The following PROSER2 variants were observed in gnomAD, a reference collection of about 807,000 sequenced individuals.
PROSER2 encodes proline and serine rich 2.
In PROSER2, 18 loss-of-function variants were observed where a neutral mutation model predicts 14.6. That is an observed-to-expected ratio of 1.23 (90% confidence interval 0.85 to 1.83). The LOEUF is 1.83. Among genes scored for constraint, PROSER2 ranks in the 40% most tolerant of loss-of-function variants. The pLI, the probability that PROSER2 is intolerant of heterozygous loss-of-function variation, is 0.00. For missense variants in PROSER2, 823 were observed against 629.8 expected (o/e 1.31, Z -3.28); for synonymous variants, 367 against 286.4 (o/e 1.28, Z -2.84).
chr10:11,866,444 A>C lies in PROSER2; in HGVS notation c.139-87A>C. The stretch of plus-strand genomic sequence containing the variant: ...CAGTGAGTTCCGCCCTGGGCTGTGG[A>C]CCAATCCCAACTTTGCTTCAGCTTT... On this transcript the variant is annotated intron_variant, in intron 2 of 3. Transcript: ENST00000277570. This position sits in a 1 kb window ranked among gnomAD's most constrained non-coding sequence, Gnocchi z 6.0. 1 of 1,537,788 alleles carries C rather than the reference A, an allele frequency of 6.5e-7. No homozygotes were observed.
chr10:11,867,882 C>T (rs1398576082), intron 3 of PROSER2, among the ~76,000 whole-genome samples: 1 of 152,102 alleles, frequency 6.6e-6, no homozygotes, highest in Non-Finnish European at 1.5e-5. Flanking sequence ...CAAATGTGGC[C>T]AAGGGTTTAA....
intron 2 of PROSER2, among the ~76,000 whole-genome samples, chr10:11,859,313 A>G (rs2131081860): frequency 6.6e-6 from 1 of 152,164 alleles, no homozygotes; most frequent in East Asian, 1.9e-4. Context: ...CTGTAATCTC[A>G]GCGATTCTGG....
At chr10:11,852,870 A>T (rs1215235250) in intron 2 of PROSER2, among the ~76,000 whole-genome samples, 1 of 141,482 alleles carries the variant, frequency 7.1e-6, no homozygotes, top group Non-Finnish European at 1.6e-5. Context: ...CCGGCCACTC[A>T]AGCTGATGTT....
Position 11,869,858 on chromosome 10 carries a change from C to A in PROSER2, c.760C>A (p.Pro254Thr). Residue 254 changes from proline to threonine, a missense_variant, in exon 4 of 4, where the codon CCC (proline) becomes ACC (threonine). Coordinates refer to ENST00000277570, the MANE Select transcript of PROSER2 (RefSeq NM_153256.4). The surrounding 1 kb of genome is among the most constrained non-coding windows in gnomAD (Gnocchi z 4.4). ...GGCGCAGCCCAAGGCACCCCGCTTC[C>A]CCAGCAACATCATCGTCACCAACGG... ...HPAQPKAPRFPSNIIVTNGAA... is the reference protein window; with the variant it reads ...HPAQPKAPRFTSNIIVTNGAA... 6.3e-7 allele frequency: 1 copy of A among 1,593,210 alleles called. No homozygotes were observed. Among genetic ancestry groups the A allele is most frequent in the South Asian group, 1.1e-5 (1 of 88,030 alleles).
At chr10:11,833,897 C>G (rs961161916) in intron 1 of PROSER2, among the ~76,000 whole-genome samples, 1 of 147,964 alleles carries the variant, frequency 6.8e-6, no homozygotes, top group African/African-American at 2.5e-5. Context: ...TGACCATGTT[C>G]GGTAGAGTTT....
intron 2 of PROSER2, among the ~76,000 whole-genome samples, chr10:11,859,315 C>T (rs1339014144): frequency 1.3e-5 from 2 of 151,934 alleles, no homozygotes; most frequent in Admixed American, 6.6e-5. Flanking sequence ...GTAATCTCAG[C>T]GATTCTGGAG....
Position 11,869,483 on chromosome 10 carries a change from C to T in PROSER2, c.392-7C>T, listed in dbSNP as rs1181121810. On this transcript the variant is annotated splice_polypyrimidine_tract_variant and splice_region_variant and intron_variant, in intron 3 of 3. Transcript: ENST00000277570. This position sits in a 1 kb window ranked among gnomAD's most constrained non-coding sequence, Gnocchi z 4.4. ...GGTGGCTCACAGGCTCCTCCCTTGT[C>T]TTCCAGGGCCTGCACCTGCTGGGAA... 1 of 1,610,332 alleles carries T rather than the reference C, an allele frequency of 6.2e-7. No individual in the cohort carries two copies. The highest frequency in any genetic ancestry group is 8.5e-7 in the Non-Finnish European group (1 of 1,176,836).
chr10:11,867,768 G>C (rs73569319), intron 3 of PROSER2, among the ~76,000 whole-genome samples: 10 of 152,186 alleles, frequency 6.6e-5, no homozygotes, highest in African/African-American at 2.4e-4. Context: ...GTTCCTAACA[G>C]GCCAGACCAG....
At position 11,866,473 on chromosome 10, in the gene PROSER2, C is replaced by G; in HGVS notation, c.139-58C>G. On this transcript the variant is annotated intron_variant, in intron 2 of 3. Transcript: ENST00000277570. This position sits in a 1 kb window ranked among gnomAD's most constrained non-coding sequence, Gnocchi z 6.0. Reference sequence around the variant, plus strand: ...ATCCCAACTTTGCTTCAGCTTTTGTCTCTTTAGTGAAGCCAGTGTTTGTTT... The same window carrying G: ...ATCCCAACTTTGCTTCAGCTTTTGTGTCTTTAGTGAAGCCAGTGTTTGTTT... 1.9e-6 allele frequency: 3 copies of G among 1,591,134 alleles called. No homozygotes were observed. Among genetic ancestry groups the G allele is most frequent in the African/African-American group, 1.3e-5 (1 of 74,538 alleles).
In PROSER2 at chr10:11,871,722, G is replaced by A. The variant is rs1834493425; in HGVS notation, c.*1316G>A. 1 of 152,326 alleles carries A rather than the reference G, an allele frequency of 6.6e-6. No homozygotes were observed. The highest frequency in any genetic ancestry group is 2.4e-5 in the African/African-American group (1 of 41,570). The allele number at this position is 152,326 out of a possible 1,614,324, so 9.4% of individuals were successfully genotyped here. A position where few individuals can be genotyped will look rare whatever the true frequency, so the allele number is the denominator to read the frequency against. On this transcript the variant is annotated 3_prime_UTR_variant, in exon 4 of 4. Coordinates refer to ENST00000277570, the MANE Select transcript of PROSER2 (RefSeq NM_153256.4). ...TTAGACCTCTAAAAATAGACAGGAA[G>A]GGCTGCCCTGAGCAGTGACACCTTT...
rs1303916842 is a variant in PROSER2, at chr10:11,841,864, T to A, written c.-81-10133T>A. Among the ~76,000 whole-genome samples the A allele has an allele frequency of 1.3e-5, 2 of 152,226 alleles. 1 individual carries two copies. Among genetic ancestry groups the A allele is most frequent in the East Asian group, 3.8e-4 (2 of 5,198 alleles). On this transcript the variant is annotated intron_variant, in intron 1 of 3. Transcript: ENST00000277570. ...TTGTGAAGCTGTTGCGTATAATGTG[T>A]TGTAAATCTTGATGAGATCAAACTT...
At position 11,856,642 on chromosome 10, in the gene PROSER2, TC is replaced by T. The variant is rs1187249056; in HGVS notation, c.138+4432del. Among the ~76,000 whole-genome samples the T allele has an allele frequency of 6.6e-5, 10 of 152,172 alleles. No homozygotes were observed. On this transcript the variant is annotated intron_variant, in intron 2 of 3. Coordinates refer to ENST00000277570, the MANE Select transcript of PROSER2 (RefSeq NM_153256.4). This position sits in a 1 kb window ranked among gnomAD's most constrained non-coding sequence, Gnocchi z 5.3. ...TTAATATTTGATGAACTGTCTCGAA[TC>T]CCCCTCTCCCTACGCCCACAAGTGC...
At chr10:11,854,572 A>T (rs1320565253) in intron 2 of PROSER2, among the ~76,000 whole-genome samples, 1 of 151,598 alleles carries the variant, frequency 6.6e-6, no homozygotes. Context: ...CAGCCTTCGC[A>T]AGTGCTGGGA....
At position 11,870,317 on chromosome 10, in the gene PROSER2, A is replaced by T; in HGVS notation, c.1219A>T (p.Ile407Phe). 2 of 1,497,936 alleles carry T rather than the reference A, an allele frequency of 1.3e-6. No individual in the cohort carries two copies. The allele number at this position is 1,497,936 out of a possible 1,614,324, so 92.8% of individuals were successfully genotyped here. A position where few individuals can be genotyped will look rare whatever the true frequency, so the allele number is the denominator to read the frequency against. Reference sequence around the variant, plus strand: ...AGACTCCCTGCCCCGGCCCCAGGGCATCACCGTGCAGTTCGCGGGCCGCGG... The same window carrying T: ...AGACTCCCTGCCCCGGCCCCAGGGCTTCACCGTGCAGTTCGCGGGCCGCGG... ...RADSLPRPQG[I>F]TVQFAGRGSS... Residue 407 changes from isoleucine (I) to phenylalanine (F), a missense_variant, in exon 4 of 4, where the codon ATC (isoleucine) becomes TTC (phenylalanine). Ile to Phe is a conservative substitution (Grantham distance 21, BLOSUM62 0). Coordinates refer to ENST00000277570, the MANE Select transcript of PROSER2 (RefSeq NM_153256.4).
rs374577235 is a variant in PROSER2 at position 11,870,550 on chromosome 10, G to A, written c.*144G>A. On this transcript the variant is annotated 3_prime_UTR_variant, in exon 4 of 4. Coordinates refer to ENST00000277570, the MANE Select transcript of PROSER2 (RefSeq NM_153256.4). ...CTGTGGCACATCGGAGTCTAGAGGT[G>A]CCTGGCTGGGGCCTCCTGGCTGAGC... The A allele has an allele frequency of 3.0e-6, 2 of 670,676 alleles. No individual in the cohort carries two copies. Among genetic ancestry groups the A allele is most frequent in the South Asian group, 3.0e-5 (1 of 33,446 alleles). The allele number at this position is 670,676 out of a possible 1,614,324, so 41.5% of individuals were successfully genotyped here.
intron 3 of PROSER2, among the ~76,000 whole-genome samples, chr10:11,868,542 G>T (rs993907817): frequency 3.3e-5 from 5 of 152,204 alleles, no homozygotes; most frequent in Non-Finnish European, 7.3e-5. Context: ...AGATTGCTGG[G>T]ACAGGTGTGA....
At chr10:11,834,228 C>T (rs1833727616) in intron 1 of PROSER2, among the ~76,000 whole-genome samples, 1 of 150,556 alleles carries the variant, frequency 6.6e-6, no homozygotes, top group African/African-American at 2.4e-5. Context: ...CTTTTGACCT[C>T]GTGACTTACC....
intron 2 of PROSER2, among the ~76,000 whole-genome samples, chr10:11,864,813 T>C (rs577089296): frequency 1.6e-4 from 25 of 152,280 alleles, no homozygotes; most frequent in Non-Finnish European, 3.2e-4. Flanking sequence ...GGGCTCGAAC[T>C]CTGGAGCTCG....
rs1386337457 is a variant in PROSER2 at position 11,866,597 on chromosome 10, A to T, written c.205A>T (p.Ile69Phe). 1 of 1,614,200 alleles carries T rather than the reference A, an allele frequency of 6.2e-7. No individual in the cohort carries two copies. The change falls in exon 3 of 4, where the codon ATT (isoleucine) becomes TTT (phenylalanine). Residue 69 changes from isoleucine (I) to phenylalanine (F), a missense_variant. Ile to Phe is a conservative substitution (Grantham distance 21). Coordinates refer to ENST00000277570, the MANE Select transcript of PROSER2 (RefSeq NM_153256.4). The surrounding 1 kb of genome is among the most constrained non-coding windows in gnomAD (Gnocchi z 6.0). ...KDVLLFFEET[I>F]DSLDEDFEEP... ...TGTGCTCCTGTTTTTTGAAGAGACG[A>T]TTGACTCCCTAGACGAGGACTTTGA...
Sources: allele counts gnomAD v4.1 joint callset (sites outside exome capture counted in the v4.1 genomes callset), GRCh38; gene constraint gnomAD v4.1.1; non-coding constraint Gnocchi (gnomAD v3.1); transcripts MANE v1.5; gene names NCBI Gene and HGNC (gene_info 2026-07-23, HGNC 2026-07-21).